ZNF148: variants seen among roughly 807,000 people sequenced by gnomAD.
ZNF148 encodes Beta-Enolase Repressor Factor-1.
In ZNF148, 7 loss-of-function variants were observed where a neutral mutation model predicts 67.7. The observed-to-expected ratio is 0.10, with a 90% CI of 0.06 to 0.19. ZNF148 has a LOEUF of 0.19. ZNF148 is among the 10% of genes least tolerant of loss of function. The pLI is 1.00. For missense variants in ZNF148, 583 were observed against 947.1 expected, an observed-to-expected ratio of 0.62 and a Z score of 5.05; for synonymous variants, 333 against 330.7, an observed-to-expected ratio of 1.01 and a Z score of -0.08.
intron 2 of ZNF148, among the ~76,000 whole-genome samples, chr3:125,327,956 T>C (rs1038415691): frequency 6.6e-6 from 1 of 152,146 alleles, no homozygotes; most frequent in African/African-American, 2.4e-5. Flanking sequence ...CATTCTTCCA[T>C]ACAGTTTCAA....
intron 7 of ZNF148, among the ~76,000 whole-genome samples, chr3:125,261,844 T>TA (rs1937358086): frequency 1.3e-5 from 2 of 150,406 alleles, no homozygotes; most frequent in African/African-American, 2.4e-5. Context: ...TTTTTTTTTT[T>TA]AACACAAAGG....
intron 1 of ZNF148, among the ~76,000 whole-genome samples, chr3:125,374,534 G>A (rs1942996875): frequency 6.6e-6 from 1 of 151,850 alleles, no homozygotes; most frequent in Admixed American, 6.6e-5. Context: ...CTCCTCCACA[G>A]CCACCTCCCC....
In ZNF148 at chr3:125,232,502, C is replaced by T. The variant is rs1373124067; in HGVS notation, c.2224G>A (p.Ala742Thr). 6.2e-7 allele frequency: 1 copy of T among 1,613,660 alleles called. No homozygotes were observed. Among genetic ancestry groups the T allele is most frequent in the South Asian group, 1.1e-5 (1 of 91,080 alleles). The change falls in exon 9 of 9, where the codon GCT (alanine) becomes ACT (threonine). Residue 742 changes from alanine to threonine, a missense_variant. By Grantham distance (58) the Ala-to-Thr change is moderately conservative. Transcript: ENST00000360647. This position sits in a 1 kb window ranked among gnomAD's most constrained non-coding sequence, Gnocchi z 4.2. ...PFRAPYHGSRAGIATQFSTAN... is the reference protein window; with the variant it reads ...PFRAPYHGSRTGIATQFSTAN... ...GTGCTAAATTGAGTAGCTATTCCAG[C>T]TCTTGATCCATGATAGGGAGCACGG...
intron 1 of ZNF148, among the ~76,000 whole-genome samples, chr3:125,338,362 C>A (rs1005889165): frequency 6.6e-6 from 1 of 151,958 alleles, no homozygotes; most frequent in African/African-American, 2.4e-5. Flanking sequence ...ATTTTTATTA[C>A]ATAAAGTTAC....
At chr3:125,298,878 C>T (rs183299150) in intron 4 of ZNF148, among the ~76,000 whole-genome samples, 29 of 152,156 alleles carry the variant, frequency 1.9e-4, no homozygotes, top group Admixed American at 1.4e-3. Context: ...CCGTCCGCCT[C>T]GGCCTCCCAA....
intron 1 of ZNF148, among the ~76,000 whole-genome samples, chr3:125,345,072 T>C (rs983241451): frequency 3.9e-5 from 6 of 152,214 alleles, no homozygotes; most frequent in African/African-American, 1.2e-4. Flanking sequence ...CATGGTCTTC[T>C]TGACATATGT....
At chr3:125,236,389 T>A (rs1320626002) in intron 7 of ZNF148, among the ~76,000 whole-genome samples, 6 of 152,062 alleles carry the variant, frequency 3.9e-5, no homozygotes, top group Non-Finnish European at 7.4e-5. Flanking sequence ...AAGTGCCAAA[T>A]GAAAGGCATA....
At chr3:125,279,608 A>C (rs1315720468) in intron 5 of ZNF148, among the ~76,000 whole-genome samples, 1 of 152,200 alleles carries the variant, frequency 6.6e-6, no homozygotes, top group Non-Finnish European at 1.5e-5. Context: ...AAGCCTTTAG[A>C]CATGATCTAA....
At chr3:125,280,409 T>C (rs1938313709) in intron 5 of ZNF148, among the ~76,000 whole-genome samples, 1 of 152,086 alleles carries the variant, frequency 6.6e-6, no homozygotes, top group South Asian at 2.1e-4. Flanking sequence ...TGGCCAGGCA[T>C]GGTGGCTCAA....
At chr3:125,330,379 T>A (rs1941232839) in intron 2 of ZNF148, among the ~76,000 whole-genome samples, 1 of 145,610 alleles carries the variant, frequency 6.9e-6, no homozygotes, top group African/African-American at 2.6e-5. Context: ...GGTGGGTGGA[T>A]CACTTGAGCC....
At chr3:125,352,545 C>T (rs982248171) in intron 1 of ZNF148, among the ~76,000 whole-genome samples, 1 of 151,656 alleles carries the variant, frequency 6.6e-6, no homozygotes, top group Non-Finnish European at 1.5e-5. Context: ...TAAGTTATAC[C>T]TCAATAACAC....
intron 5 of ZNF148, among the ~76,000 whole-genome samples, chr3:125,281,545 G>T (rs553625070): frequency 6.6e-6 from 1 of 152,282 alleles, no homozygotes; most frequent in South Asian, 2.1e-4. Context: ...CAACTGCAAG[G>T]AAAGGCTTTG....
At chr3:125,371,772 T>C (rs900571954) in intron 1 of ZNF148, among the ~76,000 whole-genome samples, 1 of 150,774 alleles carries the variant, frequency 6.6e-6, no homozygotes, top group Non-Finnish European at 1.5e-5. Context: ...TGTCAAAGAA[T>C]ACTGCAATCA....
At chr3:125,306,501 G>A (rs928321538) in intron 4 of ZNF148, among the ~76,000 whole-genome samples, 11 of 152,138 alleles carry the variant, frequency 7.2e-5, no homozygotes, top group Middle Eastern at 3.4e-3. Context: ...TAGAACTTTG[G>A]TCAATTAAAC....
chr3:125,296,573 T>C (rs768901316), intron 4 of ZNF148, among the ~76,000 whole-genome samples: 1 of 152,238 alleles, frequency 6.6e-6, no homozygotes, highest in Non-Finnish European at 1.5e-5. Flanking sequence ...GGGACTCTCA[T>C]ACACTACTAG....
At chr3:125,296,647 T>G (rs1485695495) in intron 4 of ZNF148, among the ~76,000 whole-genome samples, 1 of 152,156 alleles carries the variant, frequency 6.6e-6, no homozygotes, top group African/African-American at 2.4e-5. Flanking sequence ...AGACCTATAC[T>G]GAGGAAATAC....
At chr3:125,350,574 T>C (rs187440889) in intron 1 of ZNF148, among the ~76,000 whole-genome samples, 20 of 152,344 alleles carry the variant, frequency 1.3e-4, no homozygotes, top group Admixed American at 7.8e-4. Context: ...GGGTCAAGGA[T>C]GGTTTCAGGA....
intron 1 of ZNF148, among the ~76,000 whole-genome samples, chr3:125,371,958 G>A (rs1010080366): frequency 1.3e-5 from 2 of 151,738 alleles, no homozygotes; most frequent in Non-Finnish European, 2.9e-5. Context: ...CAGCTACTCG[G>A]GAGGCTGAGG....
chr3:125,247,558 C>T (rs1370642442), intron 7 of ZNF148, among the ~76,000 whole-genome samples: 2 of 152,112 alleles, frequency 1.3e-5, no homozygotes, highest in African/African-American at 4.8e-5. Flanking sequence ...ATGCCTCAGC[C>T]TCCTGAGTAG....
Sources: gnomAD v4.1 joint callset for allele counts (sites outside exome capture counted in the v4.1 genomes callset) on GRCh38, gnomAD v4.1.1 for gene constraint, Gnocchi (gnomAD v3.1) non-coding constraint, MANE v1.5 for transcripts, NCBI Gene and HGNC (gene_info 2026-07-23, HGNC 2026-07-21) for gene names.